Variants in GRM7 observed in about 807,000 individuals in gnomAD.
GRM7 encodes the protein metabotropic glutamate receptor 7.
In GRM7, 35 loss-of-function variants were observed where a neutral mutation model predicts 84.5. The ratio of observed to expected loss-of-function variants is 0.41; its 90% CI spans 0.32 to 0.55. The LOEUF (loss-of-function observed/expected upper bound fraction) is 0.55. Ranked by LOEUF, GRM7 falls within the 20% of genes least tolerant of loss-of-function variation. GRM7 has a pLI of 0.19. For synonymous variants in GRM7, 487 were observed against 455.1 expected (o/e 1.07, Z -0.89); for missense variants, 1,003 against 1,194.6 (o/e 0.84, Z 2.36).
intron 1 of GRM7, among the ~76,000 whole-genome samples, chr3:6,954,229 A>T (rs1692923221): frequency 2.0e-5 from 3 of 152,192 alleles, no homozygotes; most frequent in African/African-American, 7.2e-5. Flanking sequence ...TGTTGTGTAC[A>T]TGTCAAGTCC....
chr3:7,099,120 T>C (rs1330252770), intron 1 of GRM7, among the ~76,000 whole-genome samples: 1 of 151,390 alleles, frequency 6.6e-6, no homozygotes, highest in East Asian at 1.9e-4. Flanking sequence ...GAATCAATGA[T>C]TGAATGAATG....
At chr3:7,101,187 C>T (rs1699097856) in intron 1 of GRM7, among the ~76,000 whole-genome samples, 2 of 151,698 alleles carry the variant, frequency 1.3e-5, no homozygotes, top group Admixed American at 1.3e-4. Context: ...AACTGTTATT[C>T]AAAATAGTTG....
At chr3:6,998,130 A>AAAAAAAAAAAAAAAAAAAAAAAAAAC (rs1694887234) in intron 1 of GRM7, among the ~76,000 whole-genome samples, 1 of 144,936 alleles carries the variant, frequency 6.9e-6, no homozygotes, top group Non-Finnish European at 1.5e-5. Context: ...AAAAAAAAAA[A>AAAAAAAAAAAAAAAAAAAAAAAAAAC]AAAAAAAAAG....
At chr3:6,907,354 T>C (rs1027827642) in intron 1 of GRM7, among the ~76,000 whole-genome samples, 3 of 152,142 alleles carry the variant, frequency 2.0e-5, no homozygotes, top group African/African-American at 7.2e-5. Context: ...GAGATGAAAA[T>C]GGTTTGAAAA....
At chr3:6,975,599 C>T (rs1297608810) in intron 1 of GRM7, among the ~76,000 whole-genome samples, 5 of 152,160 alleles carry the variant, frequency 3.3e-5, no homozygotes, top group African/African-American at 1.2e-4. Context: ...TATTTGCAAA[C>T]TTGAAGTTTA....
chr3:7,426,151 C>A (rs1696601398), intron 5 of GRM7, among the ~76,000 whole-genome samples: 1 of 149,580 alleles, frequency 6.7e-6, no homozygotes, highest in African/African-American at 2.5e-5. Flanking sequence ...TGGAGTTTTG[C>A]TCTTGTTTCC....
At chr3:7,094,156 A>G (rs1208666990) in intron 1 of GRM7, among the ~76,000 whole-genome samples, 1 of 152,182 alleles carries the variant, frequency 6.6e-6, no homozygotes, top group African/African-American at 2.4e-5. Context: ...AAAGAGACAG[A>G]CAATAAACAG....
At chr3:7,371,172 T>C (rs535076738) in intron 4 of GRM7, among the ~76,000 whole-genome samples, 3 of 152,198 alleles carry the variant, frequency 2.0e-5, no homozygotes, top group Admixed American at 2.0e-4. Context: ...TAAAAAAACA[T>C]AGATTGCAGA....
intron 1 of GRM7, among the ~76,000 whole-genome samples, chr3:7,052,999 A>G (rs1206929356): frequency 2.0e-5 from 3 of 150,256 alleles, no homozygotes; most frequent in African/African-American, 7.3e-5. Context: ...ATATTATTTT[A>G]TATATTTCTA....
rs1409553639 is a variant in GRM7 at position 7,740,721 on chromosome 3, G to A, written c.*315G>A. ...ATGGACCACTGAGAGCCACAGGACCGTTTTGGGGCTGACCTGTCTTATTAC... is the reference window on the plus strand; with the variant it reads ...ATGGACCACTGAGAGCCACAGGACCATTTTGGGGCTGACCTGTCTTATTAC... On this transcript the variant is annotated 3_prime_UTR_variant, in exon 10 of 10. Coordinates refer to ENST00000357716, the MANE Select transcript of GRM7 (RefSeq NM_000844.4). The A allele has an allele frequency of 3.1e-5, 8 of 254,604 alleles. No individual in the cohort carries two copies. Among genetic ancestry groups the A allele is most frequent in the Admixed American group, 5.5e-5 (1 of 18,278 alleles). 15.8% of individuals were successfully genotyped at this position (254,604 alleles called of 1,614,324 possible). A position where few individuals can be genotyped will look rare whatever the true frequency, so the allele number is the denominator to read the frequency against.
At chr3:7,483,245 TAAAG>T (rs1231699989) in intron 7 of GRM7, among the ~76,000 whole-genome samples, 1 of 152,080 alleles carries the variant, frequency 6.6e-6, no homozygotes, top group African/African-American at 2.4e-5. Flanking sequence ...AATAAATAAA[TAAAG>T]AGATAGCCAT....
At chr3:7,574,891 AC>A (rs1381104099) in intron 7 of GRM7, among the ~76,000 whole-genome samples, 1 of 151,990 alleles carries the variant, frequency 6.6e-6, no homozygotes, top group African/African-American at 2.4e-5. Context: ...CCGGGTTACA[AC>A]CCTTTGCTCT....
rs1479468436 is a variant in GRM7 at position 7,103,760 on chromosome 3, T to TTC, written c.520-42690_520-42689dup. Among the ~76,000 whole-genome samples, 52 of 58,570 alleles carry TTC rather than the reference T, an allele frequency of 8.9e-4. 1 individual carries two copies. Among genetic ancestry groups the TTC allele is most frequent in the African/African-American group, 2.8e-3 (22 of 7,930 alleles). The allele number at this position is 58,570 out of a possible 152,430, so 38.4% of individuals were successfully genotyped here. ...TCTTTCTCTCTCTCCCTTTCTTTCT[T>TTC]TCTTTCTTTCTTTCTTTCTTTCTTT... On this transcript the variant is annotated intron_variant, in intron 1 of 9. Transcript: ENST00000357716.
chr3:7,609,786 G>C (rs1304282555), intron 8 of GRM7, among the ~76,000 whole-genome samples: 2 of 152,154 alleles, frequency 1.3e-5, no homozygotes, highest in Non-Finnish European at 2.9e-5. Context: ...CTTGGAGTGA[G>C]TGGTAAATTT....
chr3:7,104,835 T>C (rs895125997), intron 1 of GRM7, among the ~76,000 whole-genome samples: 16 of 151,866 alleles, frequency 1.1e-4, no homozygotes, highest in Admixed American at 4.0e-4. Flanking sequence ...GATACATAGA[T>C]AAAAATTGGC....
chr3:7,277,863 T>C (rs1699129285), intron 2 of GRM7, among the ~76,000 whole-genome samples: 1 of 152,106 alleles, frequency 6.6e-6, no homozygotes, highest in Non-Finnish European at 1.5e-5. Flanking sequence ...CTAAGAAAGA[T>C]ATTTGTTTTA....
chr3:7,660,890 A>T (rs1056036792), intron 8 of GRM7, among the ~76,000 whole-genome samples: 2 of 152,244 alleles, frequency 1.3e-5, no homozygotes, highest in Non-Finnish European at 1.5e-5. Context: ...TTTTTCAACA[A>T]ATGATTCTAG....
At chr3:7,059,114 T>C (rs1416003596) in intron 1 of GRM7, among the ~76,000 whole-genome samples, 1 of 151,814 alleles carries the variant, frequency 6.6e-6, no homozygotes, top group African/African-American at 2.4e-5. Flanking sequence ...TATTTATTCC[T>C]AATTAGATGG....
At chr3:7,081,724 A>C (rs1315286080) in intron 1 of GRM7, among the ~76,000 whole-genome samples, 2 of 152,128 alleles carry the variant, frequency 1.3e-5, no homozygotes, top group African/African-American at 2.4e-5. Context: ...AAAGTTATTG[A>C]AGGAAATTAT....
Sources: gnomAD v4.1 joint callset for allele counts (sites outside exome capture counted in the v4.1 genomes callset) on GRCh38, gnomAD v4.1.1 for gene constraint, MANE v1.5 for transcripts, NCBI Gene and HGNC (gene_info 2026-07-23, HGNC 2026-07-21) for gene names.